PRDM1: variants seen among roughly 807,000 people sequenced by gnomAD.
The protein encoded by PRDM1 is PR/SET domain 1.
A neutral mutation model predicts 62.8 loss-of-function variants in PRDM1; 13 were observed. The observed-to-expected ratio is 0.21, with a 90% CI of 0.13 to 0.33. The LOEUF is 0.33. Among genes scored for constraint, PRDM1 ranks in the 10% least tolerant of loss-of-function variants. The probability of loss-of-function intolerance (pLI) is 1.00; values close to 1 mark genes in which losing one functional copy is unlikely to be tolerated. For synonymous variants in PRDM1, 396 were observed against 417.6 expected, an observed-to-expected ratio of 0.95 and a Z score of 0.63; for missense variants, 895 against 1,058.8, an observed-to-expected ratio of 0.85 and a Z score of 2.15.
chr6:106,071,989 A>G (rs1365205286), intron 1 of PRDM1: 1 of 152,208 alleles, frequency 6.6e-6, no homozygotes, highest in East Asian at 1.9e-4. Context: ...CAACTTGGAC[A>G]TCAGGATATT....
intron 1 of PRDM1, among the ~76,000 whole-genome samples, chr6:106,043,327 C>A (rs1342379108): frequency 6.6e-6 from 1 of 152,080 alleles, no homozygotes; most frequent in Non-Finnish European, 1.5e-5. Flanking sequence ...ATTATAAGCT[C>A]CATGGAGGGC....
intron 3 of PRDM1, among the ~76,000 whole-genome samples, chr6:106,097,555 A>G (rs1406688459): frequency 6.6e-6 from 1 of 152,254 alleles, no homozygotes; most frequent in East Asian, 1.9e-4. Flanking sequence ...GAAACCAGTG[A>G]CATTTCTTGT....
In PRDM1 at chr6:106,107,138, C is replaced by T. The variant is rs143411705; in HGVS notation, c.2130C>T (p.Cys710=). Residue 710 remains cysteine, a synonymous_variant, in exon 7 of 7, where the codon TGC becomes TGT. Coordinates refer to ENST00000369096, the MANE Select transcript of PRDM1 (RefSeq NM_001198.4). ...CSLKVHLKGN[C]AAAPAPGLPL... is the part of the protein sequence containing the mutation. ...TCAAGGTTCACCTGAAAGGGAACTG[C>T]GCTGCGGCCCCGGCGCCTGGGCTGC... 2.4e-5 allele frequency: 39 copies of T among 1,614,014 alleles called. No homozygotes were observed. The highest frequency in any genetic ancestry group is 5.0e-5 in the Admixed American group (3 of 60,014).
At chr6:106,059,358 T>C (rs1405989741) in intron 1 of PRDM1, among the ~76,000 whole-genome samples, 2 of 152,174 alleles carry the variant, frequency 1.3e-5, no homozygotes, top group Non-Finnish European at 2.9e-5. Context: ...GAGTGATCTG[T>C]GTCACGTGTG....
chr6:106,075,949 A>C (rs1176087740), intron 1 of PRDM1, among the ~76,000 whole-genome samples: 1 of 148,534 alleles, frequency 6.7e-6, no homozygotes, highest in Non-Finnish European at 1.5e-5. Context: ...AAAATTAAAA[A>C]AAAAAATTTT....
At chr6:106,060,290 G>A (rs1773327444) in intron 1 of PRDM1, among the ~76,000 whole-genome samples, 1 of 152,186 alleles carries the variant, frequency 6.6e-6, no homozygotes. Flanking sequence ...TTCTCAAGAA[G>A]GAGAGCACGA....
At chr6:106,083,506 C>T (rs1383845781), upstream of PRDM1, among the ~76,000 whole-genome samples, 5 of 152,028 alleles carry the variant, frequency 3.3e-5, no homozygotes, top group Admixed American at 3.3e-4. Flanking sequence ...ATCTGGCCAC[C>T]AACATTGCAA....
At chr6:106,091,733 A>G (rs1278948590) in intron 2 of PRDM1, among the ~76,000 whole-genome samples, 1 of 151,776 alleles carries the variant, frequency 6.6e-6, no homozygotes, top group Non-Finnish European at 1.5e-5. Flanking sequence ...AGATCGTGCC[A>G]TTGCACTCCA....
chr6:106,061,139 T>A (rs1465005388), intron 1 of PRDM1, among the ~76,000 whole-genome samples: 4 of 152,062 alleles, frequency 2.6e-5, no homozygotes, highest in African/African-American at 9.7e-5. Flanking sequence ...ATGGTTCCAC[T>A]GATCCGGACT....
At chr6:106,051,862 A>T (rs1028545645) in intron 1 of PRDM1, among the ~76,000 whole-genome samples, 11 of 152,194 alleles carry the variant, frequency 7.2e-5, no homozygotes, top group Non-Finnish European at 1.6e-4. Flanking sequence ...TAATTTTTCC[A>T]TGTGTAAATT....
chr6:106,075,310 T>C (rs1320369452), intron 1 of PRDM1, among the ~76,000 whole-genome samples: 1 of 152,218 alleles, frequency 6.6e-6, no homozygotes, highest in Non-Finnish European at 1.5e-5. Flanking sequence ...CATTTTCCTA[T>C]ATTAAATTAG....
rs749430828 is a variant in PRDM1 at position 106,005,545 on chromosome 6, A to C, written c.-67+11906A>C. Among the ~76,000 whole-genome samples, 9 of 152,358 alleles carry C rather than the reference A, an allele frequency of 5.9e-5. No individual in the cohort carries two copies. In the South Asian group the frequency reaches 1.7e-3, roughly 28 times the overall value. On this transcript the variant is annotated intron_variant, in intron 1 of 6. Transcript: ENST00000652320. ...AATTTTGAGTAAAATGAATATGGAA[A>C]ACCTTTTAAACTAGGAAAAAATGCA...
At chr6:106,033,211 C>T (rs1176595936) in intron 1 of PRDM1, among the ~76,000 whole-genome samples, 1 of 152,020 alleles carries the variant, frequency 6.6e-6, no homozygotes, top group African/African-American at 2.4e-5. Context: ...ACAATCATAG[C>T]TCACTGTAAT....
chr6:106,057,425 T>C (rs1773283200), intron 1 of PRDM1, among the ~76,000 whole-genome samples: 1 of 152,244 alleles, frequency 6.6e-6, no homozygotes, highest in Non-Finnish European at 1.5e-5. Context: ...TGTAGCCTTC[T>C]TTTATGGACC....
chr6:106,098,829 C>A, intron 3 of PRDM1: 2 of 1,525,624 alleles, frequency 1.3e-6, no homozygotes, highest in East Asian at 2.5e-5. Context: ...TAGGAAACGG[C>A]GAGTACAGAG....
In PRDM1 at chr6:106,105,523, A is replaced by G. The variant is rs996497824; in HGVS notation, c.1363A>G (p.Ser455Gly). Residue 455 changes from serine to glycine, a missense_variant, in exon 5 of 7, where the codon AGC (serine) becomes GGC (glycine). Transcript: ENST00000369096. ...PVYSNLLGGG[S>G]LPHPMLNPTS... ...CTACAGCAATCTCCTCGGTGGGGGCAGCCTGCCCCACCCCATGCTCAACCC... is the reference window on the plus strand; with the variant it reads ...CTACAGCAATCTCCTCGGTGGGGGCGGCCTGCCCCACCCCATGCTCAACCC... 1.9e-6 allele frequency: 3 copies of G among 1,613,476 alleles called. No individual in the cohort carries two copies. The highest frequency in any genetic ancestry group is 2.5e-6 in the Non-Finnish European group (3 of 1,179,800).
In PRDM1 at chr6:106,102,601, TCA is replaced by T. The variant is rs1774304294; in HGVS notation, c.665-2223_665-2222del. On this transcript the variant is annotated intron_variant, in intron 4 of 6. Coordinates refer to ENST00000369096, the MANE Select transcript of PRDM1 (RefSeq NM_001198.4). The stretch of plus-strand genomic sequence containing the variant: ...CATAAGTTTCATATCAGTTCAACAT[TCA>T]AATTATATTAAGGTACTTAAGAAGA... Among the ~76,000 whole-genome samples the T allele has an allele frequency of 5.9e-5, 9 of 152,344 alleles. No individual in the cohort carries two copies. The South Asian group carries it at 1.9e-3, about 32-fold the overall frequency.
chr6:105,996,243 ACTTCCAGTACC>A (rs1331354998), intron 1 of PRDM1, among the ~76,000 whole-genome samples: 2 of 152,180 alleles, frequency 1.3e-5, no homozygotes, highest in Admixed American at 1.3e-4. Context: ...GTGTTGTCAA[ACTTCCAGTACC>A]CTGAAATATA....
At chr6:106,031,436 C>T (rs1373369756) in intron 1 of PRDM1, among the ~76,000 whole-genome samples, 1 of 152,114 alleles carries the variant, frequency 6.6e-6, no homozygotes, top group Admixed American at 6.5e-5. Context: ...TTTTAATACT[C>T]CTTTCACTGA....
Sources: allele counts gnomAD v4.1 joint callset (sites outside exome capture counted in the v4.1 genomes callset), GRCh38; gene constraint gnomAD v4.1.1; transcripts MANE v1.5; gene names NCBI Gene and HGNC (gene_info 2026-07-23, HGNC 2026-07-21).